Variants in PHF21B observed in about 807,000 individuals in gnomAD.
PHF21B encodes PHD finger protein 21B.
PHF21B carries 22 observed loss-of-function variants against 62.2 expected under a neutral mutation model. The observed-to-expected ratio is 0.35, with a 90% confidence interval of 0.25 to 0.51. The LOEUF is 0.51. Among genes scored for constraint, PHF21B ranks in the 20% least tolerant of loss-of-function variants. PHF21B has a pLI of 0.97. For missense variants in PHF21B, 701 were observed against 707.9 expected, an observed-to-expected ratio of 0.99 and a Z score of 0.11; for synonymous variants, 341 against 314.7, an observed-to-expected ratio of 1.08 and a Z score of -0.88.
Position 44,919,907 on chromosome 22 carries a change from C to A in PHF21B, c.213+491G>T, listed in dbSNP as rs950594205. On this transcript the variant is annotated intron_variant, in intron 3 of 12. Coordinates refer to ENST00000313237, the MANE Select transcript of PHF21B (RefSeq NM_138415.5). ...AGGCTGAGAGGTCAGGTGACTGGGG[C>A]AAAGCGTGGAGTCCAGTCGGGGGGG... Among the ~76,000 whole-genome samples the A allele has an allele frequency of 1.3e-3, 197 of 152,330 alleles. 1 individual carries two copies. Among genetic ancestry groups the A allele is most frequent in the Non-Finnish European group, 2.6e-3 (174 of 68,028 alleles).
intron 5 of PHF21B, among the ~76,000 whole-genome samples, chr22:44,906,698 G>A (rs1016495301): frequency 8.5e-5 from 13 of 152,224 alleles, no homozygotes; most frequent in African/African-American, 3.1e-4. Flanking sequence ...GCAGCTCCGT[G>A]ACCGTACATG....
Position 44,881,378 on chromosome 22 carries a change from T to C in PHF21B, c.*1708A>G, listed in dbSNP as rs969645751. Reference sequence around the variant, plus strand: ...CTGTTAAAACATGTAACTCAATCCATCCGCGAAGAAAACCAAACCAACAGA... The same window carrying C: ...CTGTTAAAACATGTAACTCAATCCACCCGCGAAGAAAACCAAACCAACAGA... On this transcript the variant is annotated 3_prime_UTR_variant, in exon 13 of 13. Transcript: ENST00000313237. The C allele has an allele frequency of 7.2e-5, 11 of 152,622 alleles. 3 individuals carry two copies. The allele number at this position is 152,622 out of a possible 1,614,324, so 9.5% of individuals were successfully genotyped here.
intron 2 of PHF21B, among the ~76,000 whole-genome samples, chr22:44,933,701 G>T (rs2071786882): frequency 6.9e-6 from 1 of 145,984 alleles, no homozygotes; most frequent in Non-Finnish European, 1.5e-5. Context: ...AGTATCTGGA[G>T]CTCTTCGTGC....
chr22:45,001,369 A>T (rs1472283118), intron 2 of PHF21B: 3 of 152,582 alleles, frequency 2.0e-5, no homozygotes, highest in African/African-American at 7.2e-5. Flanking sequence ...CACAGCAGCG[A>T]GTGTGCAATC....
chr22:44,881,773 C>G lies in PHF21B; in HGVS notation c.*1313G>C, dbSNP rs1056325722. The G allele has an allele frequency of 9.2e-5, 14 of 152,724 alleles. No homozygotes were observed. Among genetic ancestry groups the G allele is most frequent in the African/African-American group, 3.4e-4 (14 of 41,470 alleles). The allele number at this position is 152,724 out of a possible 1,614,324, so 9.5% of individuals were successfully genotyped here. On this transcript the variant is annotated 3_prime_UTR_variant, in exon 13 of 13. Transcript: ENST00000313237. ...GGTGGGAGCCCGTGGCTCCTGGACG[C>G]TTATCCTGTTGTGCTGAGTCCCTCA...
chr22:45,004,540 TATA>T (rs1406220466), intron 2 of PHF21B, among the ~76,000 whole-genome samples: 1 of 152,244 alleles, frequency 6.6e-6, no homozygotes, highest in Admixed American at 6.5e-5. Flanking sequence ...TTCTGCAATG[TATA>T]ATGATACTGT....
At chr22:44,955,596 G>A (rs1313461592) in intron 2 of PHF21B, among the ~76,000 whole-genome samples, 2 of 152,180 alleles carry the variant, frequency 1.3e-5, no homozygotes, top group Admixed American at 6.5e-5. Flanking sequence ...CTTCCTGAGC[G>A]GGGAGATCCT....
chr22:44,902,320 G>A (rs1325212836), intron 5 of PHF21B: 3 of 330,894 alleles, frequency 9.1e-6, no homozygotes, highest in Admixed American at 7.2e-5. Flanking sequence ...AAAAAGCTGT[G>A]GACTCACAAA....
intron 2 of PHF21B, among the ~76,000 whole-genome samples, chr22:44,974,855 T>C (rs890744667): frequency 1.3e-5 from 2 of 152,232 alleles, no homozygotes; most frequent in Admixed American, 6.5e-5. Context: ...TAGCGTAATA[T>C]TCTCTGTTAT....
chr22:44,958,952 C>T (rs887802357), intron 2 of PHF21B, among the ~76,000 whole-genome samples: 1 of 152,000 alleles, frequency 6.6e-6, no homozygotes, highest in Non-Finnish European at 1.5e-5. Flanking sequence ...CTCCTTTGAT[C>T]ATTTAACTGC....
chr22:44,899,285 C>CTTTTTTTTT (rs71188499), intron 5 of PHF21B, among the ~76,000 whole-genome samples: 1 of 97,556 alleles, frequency 1.0e-5, no homozygotes, highest in South Asian at 3.5e-4. Flanking sequence ...TGTTCTTATT[C>CTTTTTTTTT]TTTTTTTTTT....
At chr22:44,934,216 G>A (rs931899528) in intron 2 of PHF21B, among the ~76,000 whole-genome samples, 8 of 152,112 alleles carry the variant, frequency 5.3e-5, no homozygotes, top group African/African-American at 1.2e-4. Context: ...CTGACTCTCA[G>A]GTGCCGCTGG....
intron 2 of PHF21B, among the ~76,000 whole-genome samples, chr22:44,939,732 G>A (rs1299990383): frequency 1.3e-5 from 2 of 152,142 alleles, no homozygotes; most frequent in African/African-American, 2.4e-5. Flanking sequence ...GGATAGGGCC[G>A]AAGGCAGCAA....
At chr22:44,954,278 T>A (rs1348944508) in intron 2 of PHF21B, among the ~76,000 whole-genome samples, 2 of 152,244 alleles carry the variant, frequency 1.3e-5, no homozygotes, top group Non-Finnish European at 2.9e-5. Context: ...AATCTGTGGT[T>A]ACTGGGACAC....
intron 6 of PHF21B, among the ~76,000 whole-genome samples, chr22:44,894,636 T>C (rs1399208539): frequency 6.6e-6 from 1 of 152,190 alleles, no homozygotes; most frequent in Non-Finnish European, 1.5e-5. Flanking sequence ...TGGAGGGTAA[T>C]GCCTTCCAAC....
intron 2 of PHF21B, among the ~76,000 whole-genome samples, chr22:44,960,301 A>G (rs2072391743): frequency 6.6e-6 from 1 of 152,134 alleles, no homozygotes; most frequent in Non-Finnish European, 1.5e-5. Context: ...TCGGTGTCAG[A>G]TGACATCAAG....
intron 2 of PHF21B, among the ~76,000 whole-genome samples, chr22:44,984,940 AG>A (rs1204590802): frequency 6.6e-6 from 1 of 152,214 alleles, no homozygotes; most frequent in Non-Finnish European, 1.5e-5. Flanking sequence ...AGGAGGTACT[AG>A]CCCCTGGAAA....
chr22:44,984,164 C>T (rs1279619074), intron 2 of PHF21B, among the ~76,000 whole-genome samples: 5 of 136,844 alleles, frequency 3.7e-5, no homozygotes, highest in African/African-American at 5.9e-5. Flanking sequence ...ACCATCACCA[C>T]CATCATCACC....
intron 5 of PHF21B, among the ~76,000 whole-genome samples, chr22:44,903,149 T>A (rs906606592): frequency 3.3e-5 from 5 of 152,122 alleles, no homozygotes; most frequent in African/African-American, 1.2e-4. Flanking sequence ...CACCAAGCAC[T>A]CCCTCCTCCA....
Sources: allele counts gnomAD v4.1 joint callset (sites outside exome capture counted in the v4.1 genomes callset), GRCh38; gene constraint gnomAD v4.1.1; transcripts MANE v1.5; gene names NCBI Gene and HGNC (gene_info 2026-07-23, HGNC 2026-07-21).